Variants in PHF21A observed in about 807,000 individuals in gnomAD.
The protein encoded by PHF21A is BHC80a.
In PHF21A, 11 loss-of-function variants were observed where a neutral mutation model predicts 82.5. That is an observed-to-expected ratio of 0.13 (90% confidence interval 0.08 to 0.22). The LOEUF (loss-of-function observed/expected upper bound fraction) is 0.22, where lower values mean the gene tolerates loss of function less well. PHF21A is among the 10% of genes least tolerant of loss of function. The pLI is 1.00. For synonymous variants in PHF21A, 297 were observed against 302.8 expected (o/e 0.98, Z 0.20); for missense variants, 579 against 837.8 (o/e 0.69, Z 3.81).
At chr11:45,977,364 T>C (rs938221273) in intron 7 of PHF21A, among the ~76,000 whole-genome samples, 4 of 152,132 alleles carry the variant, frequency 2.6e-5, no homozygotes, top group Non-Finnish European at 4.4e-5. Flanking sequence ...CTCAAACTCC[T>C]GACCTAAAGT....
intron 6 of PHF21A, among the ~76,000 whole-genome samples, chr11:46,048,387 T>C (rs1396156190): frequency 6.6e-6 from 1 of 152,238 alleles, no homozygotes; most frequent in African/African-American, 2.4e-5. Flanking sequence ...TGTATGGATA[T>C]ACCACACTTT....
At chr11:45,974,046 T>C (rs2136149801) in intron 7 of PHF21A, among the ~76,000 whole-genome samples, 1 of 152,342 alleles carries the variant, frequency 6.6e-6, no homozygotes, top group South Asian at 2.1e-4. Context: ...CCTAACAAGT[T>C]TGTTCACATC....
chr11:46,026,256 C>A (rs908952827), intron 6 of PHF21A, among the ~76,000 whole-genome samples: 1 of 152,086 alleles, frequency 6.6e-6, no homozygotes, highest in African/African-American at 2.4e-5. Flanking sequence ...AATTCCACCC[C>A]AGCTCAGTGG....
At chr11:46,084,023 T>C in intron 4 of PHF21A, 143 bp downstream of exon 4, 1 of 525,450 alleles carries the variant, frequency 1.9e-6, no homozygotes, top group Non-Finnish European at 3.3e-6. Flanking sequence ...TGTCGAGTAG[T>C]GGTAAAAGGC....
intron 1 of PHF21A, among the ~76,000 whole-genome samples, chr11:46,114,104 C>T (rs7109480): frequency 0.47 from 69,229 of 146,246 alleles, 18,142 homozygotes; most frequent in Non-Finnish European, 0.59. Context: ...CACACACACA[C>T]GCACACATCC....
At chr11:46,026,200 A>G (rs867872951) in intron 6 of PHF21A, among the ~76,000 whole-genome samples, 5 of 152,210 alleles carry the variant, frequency 3.3e-5, no homozygotes, top group Admixed American at 6.5e-5. Context: ...TCCTTTGGGG[A>G]TAGATATATC....
At chr11:45,948,147 T>C (rs989094403) in intron 14 of PHF21A, among the ~76,000 whole-genome samples, 3 of 152,232 alleles carry the variant, frequency 2.0e-5, no homozygotes, top group African/African-American at 7.2e-5. Flanking sequence ...TGGGATGTAT[T>C]ACTGACATCA....
intron 6 of PHF21A, among the ~76,000 whole-genome samples, chr11:46,075,510 T>C (rs1269203720): frequency 6.6e-6 from 1 of 152,226 alleles, no homozygotes; most frequent in Non-Finnish European, 1.5e-5. Context: ...GAGAACTGAA[T>C]CACATTCAGA....
intron 14 of PHF21A, 43 bp from the exon 15 acceptor site, chr11:45,946,046 G>A: frequency 6.2e-7 from 1 of 1,614,036 alleles, no homozygotes; most frequent in Non-Finnish European, 8.5e-7. Context: ...AACGGGGAGG[G>A]AAAGAGAGGG....
chr11:45,982,014 C>A (rs1044414629), intron 6 of PHF21A, among the ~76,000 whole-genome samples: 9 of 136,118 alleles, frequency 6.6e-5, no homozygotes, highest in Non-Finnish European at 1.2e-4. Flanking sequence ...TGGAGTGCGG[C>A]AGCACAATCT....
chr11:46,084,297 C>G lies in PHF21A; in HGVS notation c.-78G>C. Reference sequence around the variant, plus strand: ...TTAAAGTAACAAACTCCTCTTCTCACTGCAGCTGTAAAGATCATAAAATGT... The same window carrying G: ...TTAAAGTAACAAACTCCTCTTCTCAGTGCAGCTGTAAAGATCATAAAATGT... On this transcript the variant is annotated 5_prime_UTR_variant, in exon 4 of 19. Coordinates refer to ENST00000676320, the MANE Select transcript of PHF21A (RefSeq NM_001352027.3). 2 of 984,060 alleles carry G rather than the reference C, an allele frequency of 2.0e-6. No individual in the cohort carries two copies. The highest frequency in any genetic ancestry group is 3.1e-6 in the Non-Finnish European group (2 of 650,240). The allele number at this position is 984,060 out of a possible 1,614,324, so 61.0% of individuals were successfully genotyped here. A position where few individuals can be genotyped will look rare whatever the true frequency, so the allele number is the denominator to read the frequency against.
At chr11:46,007,241 G>A (rs2095315395) in intron 6 of PHF21A, among the ~76,000 whole-genome samples, 1 of 152,114 alleles carries the variant, frequency 6.6e-6, no homozygotes, top group Non-Finnish European at 1.5e-5. Context: ...GTCTTTTCAA[G>A]GAATCCAGGT....
chr11:46,015,070 C>G lies in PHF21A; in HGVS notation c.154-35104G>C, dbSNP rs866790136. ...ACTGGTGTAAAGTGGTATCACTGTG[C>G]TTTTGATTTGCATTTCTTTGATGAT... On this transcript the variant is annotated intron_variant, in intron 6 of 18. Transcript: ENST00000676320. Among the ~76,000 whole-genome samples the G allele has an allele frequency of 2.0e-5, 3 of 151,666 alleles. 1 individual carries two copies. In the Middle Eastern group the frequency reaches 0.01, roughly 523 times the overall value.
At chr11:46,062,557 T>C (rs1369412769) in intron 6 of PHF21A, among the ~76,000 whole-genome samples, 1 of 152,202 alleles carries the variant, frequency 6.6e-6, no homozygotes, top group East Asian at 1.9e-4. Context: ...TCTAGGGATC[T>C]AAATTTATAG....
chr11:46,024,271 G>A (rs971328688), intron 6 of PHF21A, among the ~76,000 whole-genome samples: 4 of 151,976 alleles, frequency 2.6e-5, no homozygotes, highest in Non-Finnish European at 5.9e-5. Flanking sequence ...TACATGTCTA[G>A]GCTATCAAAA....
At chr11:46,047,725 G>T (rs1445198835) in intron 6 of PHF21A, among the ~76,000 whole-genome samples, 1 of 152,182 alleles carries the variant, frequency 6.6e-6, no homozygotes, top group Non-Finnish European at 1.5e-5. Context: ...ACCATTTCTT[G>T]GTTGTGTAAG....
intron 6 of PHF21A, among the ~76,000 whole-genome samples, chr11:46,005,131 C>T (rs2095263622): frequency 6.6e-6 from 1 of 152,148 alleles, no homozygotes; most frequent in African/African-American, 2.4e-5. Flanking sequence ...TCCAAAAATT[C>T]AGGTTGAGCA....
chr11:46,063,112 A>C (rs2096555489), intron 6 of PHF21A, among the ~76,000 whole-genome samples: 1 of 152,194 alleles, frequency 6.6e-6, no homozygotes, highest in South Asian at 2.1e-4. Context: ...TGGGGAGAGG[A>C]ATAGAGACGA....
At chr11:45,949,569 TA>T (rs1353560065) in intron 12 of PHF21A, 88 bp from the exon 13 acceptor site, 22 of 1,104,026 alleles carry the variant, frequency 2.0e-5, no homozygotes, top group Non-Finnish European at 9.7e-6. Context: ...GGTTTTCCCA[TA>T]AGAAATCAGA....
Sources: allele counts gnomAD v4.1 joint callset (sites outside exome capture counted in the v4.1 genomes callset), GRCh38; gene constraint gnomAD v4.1.1; transcripts MANE v1.5; gene names NCBI Gene and HGNC (gene_info 2026-07-23, HGNC 2026-07-21).